Variants in MAPT observed in about 807,000 individuals in gnomAD.
The protein encoded by MAPT is microtubule-associated protein tau.
MAPT carries 34 observed loss-of-function variants against 67.9 expected under a neutral mutation model. The observed-to-expected ratio is 0.50, with a 90% confidence interval of 0.38 to 0.67. The LOEUF is 0.67. MAPT is among the 30% of genes least tolerant of loss of function. MAPT has a pLI of 0.00. For missense variants in MAPT, 881 were observed against 1,115.2 expected (o/e 0.79, Z 2.99); for synonymous variants, 456 against 464.5 (o/e 0.98, Z 0.23).
In MAPT at chr17:45,983,163, C is replaced by T. The variant is rs1187495002; in HGVS notation, c.584C>T (p.Ala195Val). Residue 195 changes from alanine to valine, a missense_variant, in exon 5 of 13, where the codon GCG (alanine) becomes GTG (valine). Around this residue, in one of 6 missense-constraint regions of MAPT, gnomAD observed 687 missense variants for 766.1 expected, o/e 0.90. Transcript: ENST00000262410. ...GCCTTTCCGAAGCCCGCCACCACTGCGTATCTCCACACAGAGCCTGAAAGT... is the reference window on the plus strand; with the variant it reads ...GCCTTTCCGAAGCCCGCCACCACTGTGTATCTCCACACAGAGCCTGAAAGT... ...GPAFPKPATT[A>V]YLHTEPESGK... The T allele has an allele frequency of 1.2e-6, 2 of 1,605,110 alleles. No homozygotes were observed. The highest frequency in any genetic ancestry group is 1.7e-5 in the Admixed American group (1 of 58,964).
intron 9 of MAPT, among the ~76,000 whole-genome samples, chr17:45,998,795 G>A (rs1256102173): frequency 1.3e-5 from 2 of 152,066 alleles, no homozygotes; most frequent in Admixed American, 6.5e-5. Context: ...GTCCTCATTC[G>A]GTTCTCGAAA....
At chr17:45,946,447 C>T (rs940753319) in intron 1 of MAPT, among the ~76,000 whole-genome samples, 7 of 147,594 alleles carry the variant, frequency 4.7e-5, no homozygotes, top group African/African-American at 1.7e-4. Flanking sequence ...ACTAAAAGTT[C>T]AAAAATTAGC....
chr17:46,023,896 G>A, intron 12 of MAPT, 60 bp from the exon 13 acceptor site: 1 of 1,445,656 alleles, frequency 6.9e-7, no homozygotes, highest in Non-Finnish European at 9.7e-7. Context: ...CAGGGCAGTT[G>A]GCAGGGCTGG....
intron 1 of MAPT, among the ~76,000 whole-genome samples, chr17:45,954,696 G>C (rs986563572): frequency 6.6e-6 from 1 of 152,030 alleles, no homozygotes; most frequent in African/African-American, 2.4e-5. Context: ...TATAATGAAA[G>C]CTGGCCGGGC....
chr17:45,988,652 A>G (rs1406220386), intron 6 of MAPT, among the ~76,000 whole-genome samples: 2 of 152,188 alleles, frequency 1.3e-5, no homozygotes, highest in Non-Finnish European at 2.9e-5. Context: ...GAGGCTTGGC[A>G]CAGTGGCTCA....
intron 11 of MAPT, among the ~76,000 whole-genome samples, chr17:46,018,185 C>T (rs1342703338): frequency 2.0e-5 from 3 of 151,528 alleles, no homozygotes; most frequent in African/African-American, 7.3e-5. Flanking sequence ...TACTGGAAGC[C>T]AACCAATGTA....
intron 1 of MAPT, among the ~76,000 whole-genome samples, chr17:45,941,549 CTT>C (rs1444917177): frequency 6.6e-6 from 1 of 151,912 alleles, no homozygotes; most frequent in Non-Finnish European, 1.5e-5. Flanking sequence ...TGTCTACACT[CTT>C]TGTGCTTCTT....
chr17:45,943,286 C>T (rs1258067200), intron 1 of MAPT, among the ~76,000 whole-genome samples: 1 of 152,142 alleles, frequency 6.6e-6, no homozygotes, highest in Non-Finnish European at 1.5e-5. Context: ...AACTTTTGGC[C>T]TCAAGTGATC....
At position 45,996,807 on chromosome 17, in the gene MAPT, G is replaced by A. The variant is rs1035950444; in HGVS notation, c.1998+143G>A. The A allele has an allele frequency of 3.2e-5, 36 of 1,112,280 alleles. No homozygotes were observed. The highest frequency in any genetic ancestry group is 1.0e-4 in the Admixed American group (4 of 38,418). The allele number at this position is 1,112,280 out of a possible 1,614,324, so 68.9% of individuals were successfully genotyped here. On this transcript the variant is annotated intron_variant, in intron 9 of 12. Transcript: ENST00000262410. The surrounding 1 kb of genome is among the most constrained non-coding windows in gnomAD (Gnocchi z 4.5). ...TGTGCATGGAGGTGTGGGGCTCCCC[G>A]CACCTGAGCACCCCCGCATAACACC...
chr17:46,014,217 TCTCTC>T, intron 10 of MAPT, 21 bp from the exon 11 acceptor site: 3 of 1,412,760 alleles, frequency 2.1e-6, no homozygotes, highest in Non-Finnish European at 3.0e-6. Context: ...CCTTTCCTCT[TCTCTC>T]TCCTCCTCTC....
At chr17:45,953,761 T>C (rs894059820) in intron 1 of MAPT, among the ~76,000 whole-genome samples, 1 of 152,046 alleles carries the variant, frequency 6.6e-6, no homozygotes, top group African/African-American at 2.4e-5. Flanking sequence ...TGTCATCTGC[T>C]CTGTGGTGCT....
At chr17:45,921,918 A>C (rs1024524512) in intron 1 of MAPT, among the ~76,000 whole-genome samples, 1 of 152,018 alleles carries the variant, frequency 6.6e-6, no homozygotes. Flanking sequence ...AGTTCAAAGC[A>C]CCTAAGCCCG....
chr17:45,910,768 G>C (rs1364012795), intron 1 of MAPT: 1 of 152,072 alleles, frequency 6.6e-6, no homozygotes, highest in East Asian at 1.9e-4. Context: ...AGGCAGCCGC[G>C]GGTGAAGGGA....
chr17:46,024,274 C>A lies in MAPT; in HGVS notation c.*103C>A. On this transcript the variant is annotated 3_prime_UTR_variant, in exon 13 of 13. Transcript: ENST00000262410. ...CCCCCGCCCTCTGCCCCCAGCTGCT[C>A]CTCGCAGTTCGGTTAATTGGTTAAT... 1 of 1,063,662 alleles carries A rather than the reference C, an allele frequency of 9.4e-7. No homozygotes were observed. Among genetic ancestry groups the A allele is most frequent in the Non-Finnish European group, 1.4e-6 (1 of 711,220 alleles). The allele number at this position is 1,063,662 out of a possible 1,614,324, so 65.9% of individuals were successfully genotyped here.
chr17:45,984,232 C>T (rs753735640), intron 5 of MAPT, among the ~76,000 whole-genome samples: 12 of 147,926 alleles, frequency 8.1e-5, no homozygotes, highest in Non-Finnish European at 1.5e-4. Context: ...GGCCCATCAG[C>T]CCACAGGAGG....
chr17:45,939,631 CGAG>C (rs1407313630), intron 1 of MAPT, among the ~76,000 whole-genome samples: 2 of 152,124 alleles, frequency 1.3e-5, no homozygotes, highest in African/African-American at 2.4e-5. Flanking sequence ...TGGGCTTTTA[CGAG>C]GAGGTTTCTA....
At position 46,025,498 on chromosome 17, in the gene MAPT, C is replaced by T. The variant is rs1305424465; in HGVS notation, c.*1327C>T. 1 of 152,766 alleles carries T rather than the reference C, an allele frequency of 6.5e-6. No individual in the cohort carries two copies. The highest frequency in any genetic ancestry group is 1.9e-4 in the East Asian group (1 of 5,202). 9.5% of individuals were successfully genotyped at this position (152,766 alleles called of 1,614,324 possible). On this transcript the variant is annotated 3_prime_UTR_variant, in exon 13 of 13. Coordinates refer to ENST00000262410, the MANE Select transcript of MAPT (RefSeq NM_001377265.1). ...ATTAAGGGAAGGCAAAGTCCAGGCA[C>T]AAGAGTGGGACCCCAGCCTCTCACT...
chr17:45,985,165 C>T (rs1268398113), intron 5 of MAPT, among the ~76,000 whole-genome samples: 1 of 151,996 alleles, frequency 6.6e-6, no homozygotes, highest in Non-Finnish European at 1.5e-5. Flanking sequence ...ATTAGCTGGG[C>T]GTGGTGGCGG....
In MAPT at chr17:45,897,874, A is replaced by G. The variant is rs1432948594; in HGVS notation, c.-18+3188A>G. The G allele has an allele frequency of 2.0e-5, 3 of 152,174 alleles. No homozygotes were observed. Among genetic ancestry groups the G allele is most frequent in the Admixed American group, 6.5e-5 (1 of 15,284 alleles). 9.4% of individuals were successfully genotyped at this position (152,174 alleles called of 1,614,324 possible). A position where few individuals can be genotyped will look rare whatever the true frequency, so the allele number is the denominator to read the frequency against. On this transcript the variant is annotated intron_variant, in intron 1 of 12. Transcript: ENST00000262410. This position sits in a 1 kb window ranked among gnomAD's most constrained non-coding sequence, Gnocchi z 5.0. ...CGGCCCCTTAACTGACCCATCCTAC[A>G]GGAGACAGGGAAATGTCTTTCCTAC...
Sources: gnomAD v4.1 joint callset for allele counts (sites outside exome capture counted in the v4.1 genomes callset) on GRCh38, gnomAD v4.1.1 for gene constraint, gnomAD v4.1.1 regional missense constraint, Gnocchi (gnomAD v3.1) non-coding constraint, MANE v1.5 for transcripts, NCBI Gene and HGNC (gene_info 2026-07-23, HGNC 2026-07-21) for gene names.